Variants in GLG1 observed in about 807,000 individuals in gnomAD.
The protein encoded by GLG1 is Golgi apparatus protein 1.
GLG1 carries 38 observed loss-of-function variants against 160.5 expected under a neutral mutation model. The observed-to-expected ratio is 0.24, with a 90% CI of 0.18 to 0.31. The LOEUF (loss-of-function observed/expected upper bound fraction) is 0.31, where lower values mean the gene tolerates loss of function less well. Ranked by LOEUF, GLG1 falls within the 10% of genes least tolerant of loss-of-function variation. The pLI is 1.00. For missense variants in GLG1, 1,373 were observed against 1,505.2 expected, an observed-to-expected ratio of 0.91 and a Z score of 1.45; for synonymous variants, 644 against 543.4, an observed-to-expected ratio of 1.19 and a Z score of -2.57.
chr16:74,556,394 A>C (rs979600426), intron 1 of GLG1, among the ~76,000 whole-genome samples: 2 of 152,202 alleles, frequency 1.3e-5, no homozygotes, highest in African/African-American at 4.8e-5. Flanking sequence ...ACCTCTTTCC[A>C]TAAAATTTTT....
intron 15 of GLG1, among the ~76,000 whole-genome samples, chr16:74,470,578 A>G (rs2015170219): frequency 2.0e-5 from 3 of 148,496 alleles, no homozygotes; most frequent in African/African-American, 7.5e-5. Context: ...TCTCCCGAGT[A>G]GCTGGGATTA....
intron 1 of GLG1, among the ~76,000 whole-genome samples, chr16:74,538,960 G>C (rs1234770853): frequency 6.6e-6 from 1 of 151,892 alleles, no homozygotes; most frequent in African/African-American, 2.4e-5. Context: ...AGGCGGTTGT[G>C]GTTTGGTTAA....
chr16:74,577,771 G>A (rs2019045545), intron 1 of GLG1, among the ~76,000 whole-genome samples: 1 of 151,906 alleles, frequency 6.6e-6, no homozygotes, highest in Non-Finnish European at 1.5e-5. Context: ...CAGCCACCAT[G>A]ACCGGTTAAT....
intron 8 of GLG1, 151 bp from the exon 9 acceptor site, chr16:74,486,068 T>C (rs975307953): frequency 2.4e-5 from 14 of 591,282 alleles, no homozygotes; most frequent in Non-Finnish European, 3.8e-5. Context: ...CTCAAGAGCA[T>C]TTGCCAAATA....
intron 1 of GLG1, among the ~76,000 whole-genome samples, chr16:74,550,733 TG>T (rs946847249): frequency 6.6e-6 from 1 of 151,836 alleles, no homozygotes; most frequent in Non-Finnish European, 1.5e-5. Context: ...AGCAATCTTC[TG>T]AAAAAAAAAA....
intron 1 of GLG1, among the ~76,000 whole-genome samples, chr16:74,569,464 T>C (rs1440155702): frequency 6.6e-6 from 1 of 152,200 alleles, no homozygotes; most frequent in Non-Finnish European, 1.5e-5. Context: ...TTCACAAACC[T>C]GGAACACATC....
chr16:74,602,586 A>C (rs1304419202), intron 1 of GLG1, among the ~76,000 whole-genome samples: 1 of 152,086 alleles, frequency 6.6e-6, no homozygotes, highest in Non-Finnish European at 1.5e-5. Context: ...GTTCGAGACT[A>C]GCCTGGCCAA....
chr16:74,523,213 T>C (rs1337238816), intron 2 of GLG1, among the ~76,000 whole-genome samples: 1 of 152,228 alleles, frequency 6.6e-6, no homozygotes, highest in Non-Finnish European at 1.5e-5. Context: ...TTTAGAAATT[T>C]TACTGTTTTA....
At chr16:74,549,958 A>AAAAAAAAG (rs2018152839) in intron 1 of GLG1, among the ~76,000 whole-genome samples, 1 of 98,650 alleles carries the variant, frequency 1.0e-5, no homozygotes. Context: ...TGCCAAAAAG[A>AAAAAAAAG]AAAAAAAAAG....
chr16:74,452,260 G>C lies in GLG1; in HGVS notation c.*907C>G. On this transcript the variant is annotated 3_prime_UTR_variant, in exon 26 of 26. Transcript: ENST00000422840. ...TGATGAAGCGCAGAGCTTCCAGAGT[G>C]ACTGTAGCCTCAGCAGGGCCGGTCC... 1 of 1,494,070 alleles carries C rather than the reference G, an allele frequency of 6.7e-7. No homozygotes were observed. 92.6% of individuals were successfully genotyped at this position (1,494,070 alleles called of 1,614,324 possible). A position where few individuals can be genotyped will look rare whatever the true frequency, so the allele number is the denominator to read the frequency against.
chr16:74,459,196 T>G (rs1453822611), intron 23 of GLG1, among the ~76,000 whole-genome samples: 3 of 152,130 alleles, frequency 2.0e-5, no homozygotes, highest in Non-Finnish European at 4.4e-5. Flanking sequence ...AGGTTAATTT[T>G]GGCTGGGCGC....
intron 1 of GLG1, among the ~76,000 whole-genome samples, chr16:74,533,077 T>G (rs570818147): frequency 1.8e-4 from 28 of 152,234 alleles, no homozygotes; most frequent in African/African-American, 6.3e-4. Flanking sequence ...TCCCAGCACT[T>G]TGGGAGGCTG....
rs1597390011 is a variant in GLG1, at chr16:74,602,570, T to G, written c.438+4087A>C. Among the ~76,000 whole-genome samples, 4 of 151,776 alleles carry G rather than the reference T, an allele frequency of 2.6e-5. No individual in the cohort carries two copies. The South Asian group carries it at 8.3e-4, about 32-fold the overall frequency. On this transcript the variant is annotated intron_variant, in intron 1 of 25. Coordinates refer to ENST00000422840, the MANE Select transcript of GLG1 (RefSeq NM_001145667.2). Reference sequence around the variant, plus strand: ...AGGCCGAGGCGGGCAGATCACGAGGTCAGGAGTTCGAGACTAGCCTGGCCA... The same window carrying G: ...AGGCCGAGGCGGGCAGATCACGAGGGCAGGAGTTCGAGACTAGCCTGGCCA...
rs549990002 is a variant in GLG1 at position 74,560,973 on chromosome 16, G to C, written c.439-28820C>G. 5.3e-5 allele frequency among the ~76,000 whole-genome samples: 8 copies of C among 152,358 alleles called. No homozygotes were observed. The East Asian group carries it at 1.3e-3, about 26-fold the overall frequency. ...TTGCTGAGAAAAAAAGTTATTTAAA[G>C]GTTATTTCAAATTGAATGAATTTTT... On this transcript the variant is annotated intron_variant, in intron 1 of 25. Coordinates refer to ENST00000422840, the MANE Select transcript of GLG1 (RefSeq NM_001145667.2).
At chr16:74,596,595 T>G (rs1958308708) in intron 1 of GLG1, among the ~76,000 whole-genome samples, 2 of 152,254 alleles carry the variant, frequency 1.3e-5, no homozygotes. Context: ...GTGTATTTTA[T>G]ACTTACAGCA....
At chr16:74,461,192 G>C (rs2014777698) in intron 22 of GLG1, among the ~76,000 whole-genome samples, 1 of 150,188 alleles carries the variant, frequency 6.7e-6, no homozygotes. Flanking sequence ...TTTTGAGATG[G>C]AACCTCGCTC....
intron 1 of GLG1, among the ~76,000 whole-genome samples, chr16:74,604,150 C>A (rs1391075028): frequency 6.6e-6 from 1 of 152,164 alleles, no homozygotes; most frequent in Non-Finnish European, 1.5e-5. Flanking sequence ...GACTGCACCA[C>A]TGCACTCCAG....
At chr16:74,575,084 TAAAAATAC>T (rs2018964223) in intron 1 of GLG1, among the ~76,000 whole-genome samples, 1 of 129,698 alleles carries the variant, frequency 7.7e-6, no homozygotes, top group African/African-American at 2.9e-5. Flanking sequence ...TCACCTCTAT[TAAAAATAC>T]AAAAATTAGC....
At chr16:74,531,413 G>C (rs1334509608) in intron 2 of GLG1, among the ~76,000 whole-genome samples, 1 of 152,172 alleles carries the variant, frequency 6.6e-6, no homozygotes, top group African/African-American at 2.4e-5. Flanking sequence ...CCGCCTCCTG[G>C]GTTCAAGCAA....
Sources: gnomAD v4.1 joint callset for allele counts (sites outside exome capture counted in the v4.1 genomes callset) on GRCh38, gnomAD v4.1.1 for gene constraint, MANE v1.5 for transcripts, NCBI Gene and HGNC (gene_info 2026-07-23, HGNC 2026-07-21) for gene names.